Variants in TFAP2A observed in about 807,000 individuals in gnomAD.
The protein encoded by TFAP2A is transcription factor AP-2 alpha.
Under a neutral mutation model 41.5 loss-of-function variants are expected in TFAP2A, and 7 were observed. The observed-to-expected ratio is 0.17, with a 90% CI of 0.10 to 0.32. The LOEUF (loss-of-function observed/expected upper bound fraction) is 0.32, where lower values mean the gene tolerates loss of function less well. Ranked by LOEUF, TFAP2A falls within the 10% of genes least tolerant of loss-of-function variation. TFAP2A has a pLI of 1.00. For missense variants in TFAP2A, 416 were observed against 563.3 expected, an observed-to-expected ratio of 0.74 and a Z score of 2.65; for synonymous variants, 247 against 242.8, an observed-to-expected ratio of 1.02 and a Z score of -0.16.
At chr6:10,405,702 T>A (rs1203770276) in intron 3 of TFAP2A, 1 of 152,202 alleles carries the variant, frequency 6.6e-6, no homozygotes, top group Non-Finnish European at 1.5e-5. Flanking sequence ...ATTTTAAAAT[T>A]CCATTTGGAG....
chr6:10,411,849 A>G (rs1346332432), intron 1 of TFAP2A: 1 of 1,390,434 alleles, frequency 7.2e-7, no homozygotes, highest in Non-Finnish European at 9.4e-7. Context: ...GCGACTGGTT[A>G]TGATTCAAAG....
At position 10,410,137 on chromosome 6, in the gene TFAP2A, G is replaced by C; in HGVS notation, c.250C>G (p.Leu84Val). Residue 84 changes from leucine (L) to valine (V), a missense_variant, in exon 2 of 7, where the codon CTG becomes GTG. Transcript: ENST00000379613. ...PYSHVNDPYSLNPLHAQPQPQ... is the reference protein window; with the variant it reads ...PYSHVNDPYSVNPLHAQPQPQ... ...TGCGGCTGGGCGTGCAGGGGGTTCA[G>C]GCTGTAGGGGTCGTTGACGTGGGAG... The C allele has an allele frequency of 6.2e-7, 1 of 1,612,100 alleles. No individual in the cohort carries two copies. The highest frequency in any genetic ancestry group is 1.1e-5 in the South Asian group (1 of 91,002).
chr6:10,409,857 T>G (rs965865628), intron 2 of TFAP2A, 44 bp downstream of exon 2: 4 of 1,543,476 alleles, frequency 2.6e-6, no homozygotes, highest in Non-Finnish European at 3.5e-6. Flanking sequence ...GGTAGGTAAG[T>G]AGGGGGCTGT....
chr6:10,412,341 G>C, intron 1 of TFAP2A: 7 of 961,038 alleles, frequency 7.3e-6, no homozygotes, highest in Non-Finnish European at 8.7e-6. Flanking sequence ...CCGAAGGAGA[G>C]AGCGCAGAGA....
chr6:10,415,346 A>T, upstream of TFAP2A: 1 of 1,175,484 alleles, frequency 8.5e-7, no homozygotes, highest in South Asian at 1.7e-5. Flanking sequence ...ATTGCTCGCC[A>T]GTACCACAAT....
upstream of TFAP2A, chr6:10,416,148 AAAAT>A (rs957652987): frequency 3.3e-5 from 5 of 152,382 alleles, no homozygotes; most frequent in African/African-American, 9.6e-5. Context: ...TGCGTGCATC[AAAAT>A]AAATCACCGG....
chr6:10,399,553 A>G (rs2114000698), intron 6 of TFAP2A, among the ~76,000 whole-genome samples: 1 of 152,300 alleles, frequency 6.6e-6, no homozygotes, highest in South Asian at 2.1e-4. Flanking sequence ...TTCCAGGGGC[A>G]GCAGCAGCCT....
Position 10,398,328 on chromosome 6 carries a change from G to A in TFAP2A, c.*89C>T. 2 of 1,606,976 alleles carry A rather than the reference G, an allele frequency of 1.2e-6. No homozygotes were observed. The highest frequency in any genetic ancestry group is 2.2e-5 in the East Asian group (1 of 44,756). On this transcript the variant is annotated 3_prime_UTR_variant, in exon 7 of 7. Transcript: ENST00000379613. This position sits in a 1 kb window ranked among gnomAD's most constrained non-coding sequence, Gnocchi z 5.3. ...GCAGCAGCAGTAGCAGCAGCAGGAA[G>A]GGTTGCTGATCCCGGAGCTGTCACC...
chr6:10,415,415 T>C (rs1581277539), upstream of TFAP2A: 2 of 457,914 alleles, frequency 4.4e-6, no homozygotes, highest in East Asian at 1.4e-4. Context: ...AACTTGCTTC[T>C]AGAGCGCACT....
chr6:10,409,968 T>C lies in TFAP2A; in HGVS notation c.419A>G (p.His140Arg). The change falls in exon 2 of 7, where the codon CAC becomes CGC. Residue 140 changes from histidine (H) to arginine (R), a missense_variant. Around this residue, in one of 3 missense-constraint regions of TFAP2A, gnomAD observed 241 missense variants for 274.1 expected, o/e 0.88. Coordinates refer to ENST00000379613, the MANE Select transcript of TFAP2A (RefSeq NM_001372066.1). ...RRHEDLLHGP[H>R]ALSSGLGDLS... is the part of the protein sequence containing the mutation. ...GTCTCCGAGTCCTGAGCTGAGCGCG[T>C]GTGGGCCGTGCAGGAGGTCCTCGTG... 6.3e-7 allele frequency: 1 copy of C among 1,583,136 alleles called. No individual in the cohort carries two copies. Among genetic ancestry groups the C allele is most frequent in the Non-Finnish European group, 8.6e-7 (1 of 1,164,688 alleles).
At chr6:10,419,435 T>C (rs769526609), upstream of TFAP2A, 5 of 1,614,122 alleles carry the variant, frequency 3.1e-6, no homozygotes, top group Non-Finnish European at 3.4e-6. Context: ...TCCCCCATTT[T>C]GGCAAGTATG....
chr6:10,413,104 C>T (rs962459736), intron 1 of TFAP2A, among the ~76,000 whole-genome samples: 2 of 152,204 alleles, frequency 1.3e-5, no homozygotes, highest in Admixed American at 1.3e-4. Flanking sequence ...TGCCAGTCTA[C>T]CCGCCAGGTT....
At chr6:10,416,991 C>G (rs527463902), upstream of TFAP2A, 1 of 152,670 alleles carries the variant, frequency 6.6e-6, no homozygotes, top group South Asian at 2.1e-4. Context: ...AGAAAATGGT[C>G]GACTTTCCAG....
intron 1 of TFAP2A, chr6:10,410,757 A>G (rs889642056): frequency 2.2e-5 from 4 of 179,878 alleles, no homozygotes; most frequent in Admixed American, 1.1e-4. Context: ...TTATTTGGAG[A>G]GAAAAAAATC....
At chr6:10,399,924 CTGTG>C (rs58533284) in intron 6 of TFAP2A, among the ~76,000 whole-genome samples, 1 of 148,904 alleles carries the variant, frequency 6.7e-6, no homozygotes, top group Non-Finnish European at 1.5e-5. Context: ...CTCTCTCTGT[CTGTG>C]TGTGTGTGTG....
In TFAP2A at chr6:10,409,881, C is replaced by A. The variant is rs1757877291; in HGVS notation, c.486+20G>T. ...GTAGGGGGCTGTGTTCCCTCCCGCG[C>A]TGGTTGCGCGGCCTCTTACCGGGAC... On this transcript the variant is annotated intron_variant, in intron 2 of 6. Transcript: ENST00000379613. The A allele has an allele frequency of 6.5e-7, 1 of 1,548,126 alleles. No homozygotes were observed.
At chr6:10,412,252 G>A in intron 1 of TFAP2A, 1 of 987,652 alleles carries the variant, frequency 1.0e-6, no homozygotes, top group South Asian at 4.7e-5. Context: ...GCGGCGTCTG[G>A]CGAATCACAG....
Position 10,398,311 on chromosome 6 carries a change from A to G in TFAP2A, c.*106T>C, listed in dbSNP as rs1761865799. 3 of 1,592,682 alleles carry G rather than the reference A, an allele frequency of 1.9e-6. No homozygotes were observed. Among genetic ancestry groups the G allele is most frequent in the East Asian group, 2.3e-5 (1 of 43,906 alleles). On this transcript the variant is annotated 3_prime_UTR_variant, in exon 7 of 7. Transcript: ENST00000379613. This position sits in a 1 kb window ranked among gnomAD's most constrained non-coding sequence, Gnocchi z 5.3. The stretch of plus-strand genomic sequence containing the variant: ...CGGCGGCGGCGGCAGCAGCAGCAGC[A>G]GTAGCAGCAGCAGGAAGGGTTGCTG...
In TFAP2A at chr6:10,397,974, G is replaced by A. The variant is rs552459189; in HGVS notation, c.*443C>T. 1 of 1,026,302 alleles carries A rather than the reference G, an allele frequency of 9.7e-7. No homozygotes were observed. The highest frequency in any genetic ancestry group is 3.8e-5 in the South Asian group (1 of 26,294). 63.6% of individuals were successfully genotyped at this position (1,026,302 alleles called of 1,614,324 possible). A position where few individuals can be genotyped will look rare whatever the true frequency, so the allele number is the denominator to read the frequency against. ...ACTGAAGTATGTAAGGGAAGGTGGT[G>A]ACTCAGTCCCATGAAGCGCATATAA... On this transcript the variant is annotated 3_prime_UTR_variant, in exon 7 of 7. Coordinates refer to ENST00000379613, the MANE Select transcript of TFAP2A (RefSeq NM_001372066.1).
Sources: gnomAD v4.1 joint callset for allele counts (sites outside exome capture counted in the v4.1 genomes callset) on GRCh38, gnomAD v4.1.1 for gene constraint, gnomAD v4.1.1 regional missense constraint, Gnocchi (gnomAD v3.1) non-coding constraint, MANE v1.5 for transcripts, NCBI Gene and HGNC (gene_info 2026-07-23, HGNC 2026-07-21) for gene names.